ZNF469: variants seen among roughly 807,000 people sequenced by gnomAD.
The protein encoded by ZNF469 is zinc finger protein 469.
In ZNF469, 1 loss-of-function variant was observed where a neutral mutation model predicts 1.0. The ratio of observed to expected loss-of-function variants is 1.00; its 90% confidence interval spans 0.35 to 4.73. ZNF469 has a LOEUF of 4.73. ZNF469 is among the 30% of genes most tolerant of loss of function. The pLI is 0.16. For missense variants in ZNF469, 6,100 were observed against 5,356.3 expected (o/e 1.14, Z -4.33); for synonymous variants, 2,703 against 2,363.4 (o/e 1.14, Z -4.17).
At chr16:88,126,084 G>C in the ZNF469 span, among the ~76,000 whole-genome samples, 3,224 of 150,584 alleles carry the variant, frequency 0.021, 114 homozygotes, top group African/African-American at 0.075. Context: ...AGCTACTGAA[G>C]AGGCTGAGAC....
the ZNF469 span, among the ~76,000 whole-genome samples, chr16:88,153,468 T>G: frequency 6.6e-6 from 1 of 152,252 alleles, no homozygotes; most frequent in Non-Finnish European, 1.5e-5. Flanking sequence ...AGGTAGAATT[T>G]ACCCATTGCC....
the ZNF469 span, among the ~76,000 whole-genome samples, chr16:88,371,530 G>T: frequency 2.0e-5 from 3 of 152,282 alleles, no homozygotes; most frequent in East Asian, 1.9e-4. Flanking sequence ...TTTGCCCAAA[G>T]CTGCCAGTCA....
rs766878740 is a variant in ZNF469 at position 88,431,035 on chromosome 16, C to A, written c.3565C>A (p.Pro1189Thr). ...GGGAGCGGCCGCCAGGGAGGGAGGCCCCAAGTGTGCTGATCGCCCCTCAGT... is the reference window on the plus strand; with the variant it reads ...GGGAGCGGCCGCCAGGGAGGGAGGCACCAAGTGTGCTGATCGCCCCTCAGT... ...ETGAAAREGGPKCADRPSVAP... is the reference protein window; with the variant it reads ...ETGAAAREGGTKCADRPSVAP... Residue 1189 changes from proline (P) to threonine (T), a missense_variant, in exon 3 of 3, where the codon CCC (proline) becomes ACC (threonine). By Grantham distance (38) the Pro-to-Thr change is conservative (BLOSUM62 -1). Transcript: ENST00000565624. The A allele has an allele frequency of 6.6e-5, 102 of 1,546,846 alleles. No homozygotes were observed. The highest frequency in any genetic ancestry group is 8.6e-5 in the Non-Finnish European group (99 of 1,146,712).
At chr16:88,373,456 G>GCCT in the ZNF469 span, among the ~76,000 whole-genome samples, 7 of 152,152 alleles carry the variant, frequency 4.6e-5, no homozygotes, top group Non-Finnish European at 5.9e-5. Context: ...GGATGGGGAG[G>GCCT]CCACGCAGAA....
chr16:88,166,889 GT>G, the ZNF469 span, among the ~76,000 whole-genome samples: 17 of 151,858 alleles, frequency 1.1e-4, no homozygotes, highest in Middle Eastern at 6.8e-3. The surrounding 1 kb of genome is among the most constrained non-coding windows in gnomAD (Gnocchi z 4.5). Context: ...CATTATATCT[GT>G]AAAATCATTT....
chr16:88,248,317 C>T, the ZNF469 span, among the ~76,000 whole-genome samples: 16 of 152,162 alleles, frequency 1.1e-4, no homozygotes, highest in African/African-American at 3.4e-4. Context: ...GTGAAAAAGG[C>T]GGTCAAATGG....
At chr16:88,165,812 C>G in the ZNF469 span, among the ~76,000 whole-genome samples, 5 of 152,306 alleles carry the variant, frequency 3.3e-5, 1 homozygote, top group East Asian at 9.6e-4. Flanking sequence ...CCCGCCGCCT[C>G]CTTTCCGTCT....
Position 88,437,410 on chromosome 16 carries a change from G to A in ZNF469, c.9940G>A (p.Asp3314Asn), listed in dbSNP as rs1408020178. The change falls in exon 3 of 3, where the codon GAC becomes AAC. Residue 3314 changes from aspartate to asparagine, a missense_variant. By Grantham distance (23) the Asp-to-Asn change is conservative. Coordinates refer to ENST00000565624, the MANE Select transcript of ZNF469 (RefSeq NM_001367624.2). Reference sequence around the variant, plus strand: ...CAGGACGACCCCCAGCCCGTCCCCCGACCCCTGGGCCGGCGGGGAGCCCCT... The same window carrying A: ...CAGGACGACCCCCAGCCCGTCCCCCAACCCCTGGGCCGGCGGGGAGCCCCT... ...PPRTTPSPSP[D>N]PWAGGEPLLQ... 3 of 1,523,748 alleles carry A rather than the reference G, an allele frequency of 2.0e-6. No individual in the cohort carries two copies. Among genetic ancestry groups the A allele is most frequent in the East Asian group, 2.5e-5 (1 of 39,590 alleles). 94.4% of individuals were successfully genotyped at this position (1,523,748 alleles called of 1,614,324 possible).
the ZNF469 span, among the ~76,000 whole-genome samples, chr16:88,360,865 C>G: frequency 1.5e-4 from 23 of 152,282 alleles, no homozygotes; most frequent in African/African-American, 5.3e-4. Flanking sequence ...GATTCCCAAC[C>G]TTTTTAGCCT....
chr16:88,148,924 C>A, the ZNF469 span, among the ~76,000 whole-genome samples: 1 of 152,206 alleles, frequency 6.6e-6, no homozygotes, highest in African/African-American at 2.4e-5. Flanking sequence ...CAGTGCCTGG[C>A]ACGTGGCAGG....
rs749061080 is a variant in ZNF469 at position 88,437,974 on chromosome 16, G to C, written c.10504G>C (p.Glu3502Gln). Residue 3502 changes from glutamate to glutamine, a missense_variant, in exon 3 of 3, where the codon GAG becomes CAG. By Grantham distance (29) the Glu-to-Gln change is conservative. Coordinates refer to ENST00000565624, the MANE Select transcript of ZNF469 (RefSeq NM_001367624.2). ...CCGGGGAAGCAGCCCCATCCTGAGT[G>C]AGGGCTCTCTCCCGGCCCTGCTCCA... Reference protein sequence around the residue: ...PPRGSSPILSEGSLPALLHLC... With the variant: ...PPRGSSPILSQGSLPALLHLC... 5 of 1,547,488 alleles carry C rather than the reference G, an allele frequency of 3.2e-6. No individual in the cohort carries two copies. Among genetic ancestry groups the C allele is most frequent in the Non-Finnish European group, 4.4e-6 (5 of 1,146,700 alleles).
At chr16:88,256,230 C>T in the ZNF469 span, among the ~76,000 whole-genome samples, 5 of 152,204 alleles carry the variant, frequency 3.3e-5, no homozygotes, top group Non-Finnish European at 5.9e-5. Flanking sequence ...CTGCCAGCCC[C>T]GGGCAACCAC....
chr16:88,174,939 CGTGT>C, the ZNF469 span, among the ~76,000 whole-genome samples: 924 of 150,388 alleles, frequency 6.1e-3, 6 homozygotes, highest in African/African-American at 0.022. Context: ...TAGGGTCAAC[CGTGT>C]GTGTGTGTGT....
chr16:88,235,051 C>T, the ZNF469 span: 1 of 152,236 alleles, frequency 6.6e-6, no homozygotes, highest in Admixed American at 6.5e-5. Context: ...AGCTCGGGTC[C>T]TGCAGGGCCC....
chr16:88,322,024 C>T, the ZNF469 span, among the ~76,000 whole-genome samples: 1 of 152,224 alleles, frequency 6.6e-6, no homozygotes, highest in Non-Finnish European at 1.5e-5. Flanking sequence ...GATGAGAGGG[C>T]CCTGGGCATG....
the ZNF469 span, among the ~76,000 whole-genome samples, chr16:88,342,364 T>G: frequency 1.3e-5 from 2 of 152,132 alleles, no homozygotes; most frequent in Admixed American, 6.5e-5. Flanking sequence ...GGAGGCCAAA[T>G]GTCCTCTCCC....
At chr16:88,377,131 C>T in the ZNF469 span, among the ~76,000 whole-genome samples, 1 of 152,262 alleles carries the variant, frequency 6.6e-6, no homozygotes, top group African/African-American at 2.4e-5. Context: ...ACTCCTGTGT[C>T]TTCTGCACAC....
At chr16:88,183,668 G>T in the ZNF469 span, among the ~76,000 whole-genome samples, 1 of 152,330 alleles carries the variant, frequency 6.6e-6, no homozygotes, top group African/African-American at 2.4e-5. Context: ...CCTCTGTCGG[G>T]GCAGAAGTGC....
chr16:88,371,282 G>A, the ZNF469 span, among the ~76,000 whole-genome samples: 1 of 152,218 alleles, frequency 6.6e-6, no homozygotes, highest in Non-Finnish European at 1.5e-5. Flanking sequence ...ACAATGCTCC[G>A]ATAGATAAAC....
Sources: gnomAD v4.1 joint callset for allele counts (sites outside exome capture counted in the v4.1 genomes callset) on GRCh38, gnomAD v4.1.1 for gene constraint, Gnocchi (gnomAD v3.1) non-coding constraint, MANE v1.5 for transcripts, NCBI Gene and HGNC (gene_info 2026-07-23, HGNC 2026-07-21) for gene names.